DAB1: variants seen among roughly 807,000 people sequenced by gnomAD.
DAB1 encodes disabled homolog 1.
A neutral mutation model predicts 64.6 loss-of-function variants in DAB1; 15 were observed. The observed-to-expected ratio is 0.23, with a 90% confidence interval of 0.16 to 0.36. DAB1 has a LOEUF of 0.36. Ranked by LOEUF, DAB1 falls within the 10% of genes least tolerant of loss-of-function variation. The pLI is 1.00. For missense variants in DAB1, 596 were observed against 706.7 expected, an observed-to-expected ratio of 0.84 and a Z score of 1.78; for synonymous variants, 235 against 251.9, an observed-to-expected ratio of 0.93 and a Z score of 0.64.
At chr1:58,338,002 G>A (rs1569658334) in intron 4 of DAB1, among the ~76,000 whole-genome samples, 1 of 114,102 alleles carries the variant, frequency 8.8e-6, no homozygotes, top group African/African-American at 3.7e-5. Flanking sequence ...ATATATATAT[G>A]AAGAAAAGCT....
At chr1:57,367,432 A>G (rs1680150071) in intron 1 of DAB1, among the ~76,000 whole-genome samples, 1 of 152,184 alleles carries the variant, frequency 6.6e-6, no homozygotes. Flanking sequence ...GAAACCAGTG[A>G]CTCAAACACT....
At position 58,021,715 on chromosome 1, in the gene DAB1, A is replaced by G. The variant is rs888008050; in HGVS notation, n.387+128796T>C. Among the ~76,000 whole-genome samples, 4 of 152,192 alleles carry G rather than the reference A, an allele frequency of 2.6e-5. No homozygotes were observed. The East Asian group carries it at 5.8e-4, about 22-fold the overall frequency. ...TGTCAGAGCAGAACTGGCCCAAGAG[A>G]ATGGAAGTCTGGAGGTAAATGTAGA... On this transcript the variant is annotated intron_variant and non_coding_transcript_variant, in intron 5 of 20. Coordinates refer to the DAB1 transcript ENST00000485760.
chr1:57,401,069 G>A (rs1008883171), intron 1 of DAB1, among the ~76,000 whole-genome samples: 2 of 151,226 alleles, frequency 1.3e-5, no homozygotes, highest in African/African-American at 4.9e-5. Context: ...GCACAGCACG[G>A]TCCTACCATA....
At chr1:57,577,619 G>A (rs1197498594) in intron 7 of DAB1, among the ~76,000 whole-genome samples, 9 of 152,128 alleles carry the variant, frequency 5.9e-5, no homozygotes, top group Non-Finnish European at 8.8e-5. Context: ...TGTGGGTGGC[G>A]AGAACCAACT....
chr1:57,062,038 G>A (rs1436622479), intron 9 of DAB1, among the ~76,000 whole-genome samples: 1 of 152,182 alleles, frequency 6.6e-6, no homozygotes, highest in Non-Finnish European at 1.5e-5. Context: ...ACTGGCTCCC[G>A]AGAGCTGCCT....
chr1:57,276,533 T>A (rs1303960287), intron 2 of DAB1, among the ~76,000 whole-genome samples: 1 of 152,198 alleles, frequency 6.6e-6, no homozygotes, highest in African/African-American at 2.4e-5. Flanking sequence ...TAAAATATGT[T>A]TGTAATGTGA....
chr1:57,146,023 G>A (rs1362145935), intron 2 of DAB1, among the ~76,000 whole-genome samples: 1 of 152,196 alleles, frequency 6.6e-6, no homozygotes, highest in Non-Finnish European at 1.5e-5. Flanking sequence ...ACTATGTGCT[G>A]TTGTGTGTCT....
chr1:58,504,671 A>G (rs145541780), intron 3 of DAB1, among the ~76,000 whole-genome samples: 1 of 152,358 alleles, frequency 6.6e-6, no homozygotes, highest in Non-Finnish European at 1.5e-5. Context: ...ATCAATAAGT[A>G]TCAATAAATA....
chr1:58,341,274 G>A (rs976844882), intron 4 of DAB1, among the ~76,000 whole-genome samples: 2 of 152,086 alleles, frequency 1.3e-5, no homozygotes, highest in African/African-American at 4.8e-5. Flanking sequence ...GCATTTCAGA[G>A]GTTATCTGCT....
intron 2 of DAB1, among the ~76,000 whole-genome samples, chr1:57,211,940 A>G (rs1030670169): frequency 1.3e-5 from 2 of 152,220 alleles, no homozygotes; most frequent in Middle Eastern, 3.2e-3. Flanking sequence ...TGTGGATTTC[A>G]GTATCTACAG....
chr1:57,795,706 TATA>T (rs1650820183), intron 6 of DAB1, among the ~76,000 whole-genome samples: 1 of 126,456 alleles, frequency 7.9e-6, no homozygotes, highest in Non-Finnish European at 1.7e-5. Flanking sequence ...TATATATATA[TATA>T]TATATATATA....
intron 7 of DAB1, among the ~76,000 whole-genome samples, chr1:57,497,008 A>T (rs1029622104): frequency 1.3e-5 from 2 of 152,114 alleles, no homozygotes; most frequent in African/African-American, 4.8e-5. Context: ...CCCCTCAAAC[A>T]TGCCTGGCTC....
intron 5 of DAB1, among the ~76,000 whole-genome samples, chr1:57,904,427 G>A (rs1027420456): frequency 1.3e-5 from 2 of 152,128 alleles, no homozygotes; most frequent in African/African-American, 4.8e-5. Flanking sequence ...ATCTGTGACT[G>A]TACACAGTAA....
intron 9 of DAB1, among the ~76,000 whole-genome samples, chr1:57,054,768 G>T (rs1377573193): frequency 2.0e-5 from 3 of 152,110 alleles, no homozygotes; most frequent in Non-Finnish European, 2.9e-5. Flanking sequence ...GTGTGCCACG[G>T]CACCCGGCCA....
At chr1:57,943,992 T>C (rs535127329) in intron 5 of DAB1, among the ~76,000 whole-genome samples, 22 of 152,258 alleles carry the variant, frequency 1.4e-4, no homozygotes, top group African/African-American at 4.8e-4. Flanking sequence ...CACAACTCTA[T>C]GTTAAGACTT....
intron 4 of DAB1, among the ~76,000 whole-genome samples, chr1:58,319,699 A>G (rs1662638938): frequency 6.6e-6 from 1 of 152,220 alleles, no homozygotes; most frequent in African/African-American, 2.4e-5. Context: ...CTTGGGTCTC[A>G]CATACTTCAT....
chr1:57,631,378 C>T (rs1645987387), intron 7 of DAB1, among the ~76,000 whole-genome samples: 1 of 152,172 alleles, frequency 6.6e-6, no homozygotes, highest in South Asian at 2.1e-4. Flanking sequence ...AATATATTTG[C>T]AAATCATTGA....
intron 5 of DAB1, among the ~76,000 whole-genome samples, chr1:58,063,664 C>CA (rs1648653611): frequency 6.6e-6 from 1 of 152,150 alleles, no homozygotes; most frequent in Non-Finnish European, 1.5e-5. Flanking sequence ...ATATTCACAA[C>CA]AAAAAACACT....
At chr1:58,212,205 C>T (rs1658591265) in intron 4 of DAB1, among the ~76,000 whole-genome samples, 1 of 152,188 alleles carries the variant, frequency 6.6e-6, no homozygotes, top group South Asian at 2.1e-4. Context: ...AAGTCTCTTA[C>T]AGCAGCAGAG....
Sources: gnomAD v4.1 joint callset for allele counts (sites outside exome capture counted in the v4.1 genomes callset) on GRCh38, gnomAD v4.1.1 for gene constraint, MANE v1.5 for transcripts, NCBI Gene and HGNC (gene_info 2026-07-23, HGNC 2026-07-21) for gene names.